CDK14: variants seen among roughly 807,000 people sequenced by gnomAD.
The protein encoded by CDK14 is cyclin dependent kinase 14, also known as cyclin-dependent kinase 14.
CDK14 carries 34 observed loss-of-function variants against 60.7 expected under a neutral mutation model. The ratio of observed to expected loss-of-function variants is 0.56; its 90% CI spans 0.43 to 0.75. The LOEUF (loss-of-function observed/expected upper bound fraction) is 0.75. Ranked by LOEUF, CDK14 falls within the 30% of genes least tolerant of loss-of-function variation. The pLI is 0.00. For missense variants in CDK14, 482 were observed against 564.1 expected (o/e 0.85, Z 1.47); for synonymous variants, 197 against 203.7 (o/e 0.97, Z 0.28).
At chr7:91,053,485 A>G (rs1291331337) in intron 11 of CDK14, among the ~76,000 whole-genome samples, 1 of 152,298 alleles carries the variant, frequency 6.6e-6, no homozygotes, top group Non-Finnish European at 1.5e-5. Context: ...GGCATCTTGG[A>G]AAAGACCTCT....
intron 11 of CDK14, among the ~76,000 whole-genome samples, chr7:91,052,975 T>C (rs1797433308): frequency 6.6e-6 from 1 of 151,962 alleles, no homozygotes; most frequent in Admixed American, 6.6e-5. Flanking sequence ...ACATACGGAC[T>C]TAGCTGTATC....
intron 6 of CDK14, among the ~76,000 whole-genome samples, chr7:90,867,223 T>C (rs368734935): frequency 5.9e-5 from 9 of 152,314 alleles, no homozygotes; most frequent in South Asian, 2.1e-4. Context: ...CTGTCTTTTT[T>C]CCCTATACAG....
At chr7:90,934,302 A>G (rs760494839) in intron 8 of CDK14, among the ~76,000 whole-genome samples, 1 of 152,254 alleles carries the variant, frequency 6.6e-6, no homozygotes, top group Non-Finnish European at 1.5e-5. Context: ...AGGTGCCAGC[A>G]ATGTACAGTT....
intron 14 of CDK14, among the ~76,000 whole-genome samples, chr7:91,162,402 G>GACCC (rs1801194876): frequency 6.6e-6 from 1 of 152,220 alleles, no homozygotes; most frequent in South Asian, 2.1e-4. Context: ...GGAGCTAGGA[G>GACCC]ACCCACTGGG....
chr7:91,189,435 G>C (rs746485030), intron 14 of CDK14, among the ~76,000 whole-genome samples: 6 of 152,040 alleles, frequency 3.9e-5, no homozygotes, highest in Non-Finnish European at 8.8e-5. Flanking sequence ...AGAAAATCTT[G>C]ATCTCTTCAC....
intron 6 of CDK14, among the ~76,000 whole-genome samples, chr7:90,870,814 A>G (rs1791347732): frequency 6.6e-6 from 1 of 152,238 alleles, no homozygotes; most frequent in African/African-American, 2.4e-5. Flanking sequence ...TAAGCTTCAT[A>G]TAGAACATTG....
intron 11 of CDK14, among the ~76,000 whole-genome samples, chr7:91,060,265 C>G (rs557073022): frequency 5.7e-4 from 86 of 150,858 alleles, no homozygotes; most frequent in African/African-American, 2.1e-3. Flanking sequence ...AGATCTTCCT[C>G]TATCCCTTTA....
chr7:90,958,402 G>A (rs549231588), intron 9 of CDK14, among the ~76,000 whole-genome samples: 3 of 152,228 alleles, frequency 2.0e-5, no homozygotes, highest in South Asian at 2.1e-4. Flanking sequence ...CATAAATTTT[G>A]TAACATCTTG....
chr7:91,132,982 T>C (rs536983902), intron 14 of CDK14, among the ~76,000 whole-genome samples: 1 of 152,290 alleles, frequency 6.6e-6, no homozygotes, highest in East Asian at 1.9e-4. Context: ...TATTCACATA[T>C]CTTTTGTAAA....
intron 2 of CDK14, among the ~76,000 whole-genome samples, chr7:90,681,000 T>C (rs1430703352): frequency 2.0e-5 from 3 of 152,250 alleles, no homozygotes; most frequent in African/African-American, 4.8e-5. Flanking sequence ...AAGAGACAGA[T>C]AGTACATTGT....
rs1790521936 is a variant in CDK14 at position 90,847,986 on chromosome 7, T to G, written c.545-15189T>G. 2.6e-5 allele frequency among the ~76,000 whole-genome samples: 4 copies of G among 152,296 alleles called. No homozygotes were observed. In the South Asian group the frequency reaches 8.3e-4, roughly 32 times the overall value. ...GTTCACATCCTTGTCAGTGTTATCATTGGATTAATTTTATTCTGAGTTTCA... is the reference window on the plus strand; with the variant it reads ...GTTCACATCCTTGTCAGTGTTATCAGTGGATTAATTTTATTCTGAGTTTCA... On this transcript the variant is annotated intron_variant, in intron 5 of 14. Transcript: ENST00000380050.
intron 14 of CDK14, among the ~76,000 whole-genome samples, chr7:91,149,300 C>A (rs929620185): frequency 1.3e-5 from 2 of 151,412 alleles, no homozygotes; most frequent in South Asian, 2.1e-4. Context: ...AAAAAAGGCA[C>A]CACTTTCAGC....
chr7:90,628,893 G>T (rs992818995), intron 2 of CDK14, among the ~76,000 whole-genome samples: 3 of 151,756 alleles, frequency 2.0e-5, no homozygotes, highest in Non-Finnish European at 4.4e-5. Context: ...TGATGCAGTA[G>T]GTCTGAGATG....
intron 6 of CDK14, among the ~76,000 whole-genome samples, chr7:90,870,590 A>G (rs2117245932): frequency 6.6e-6 from 1 of 152,290 alleles, no homozygotes; most frequent in East Asian, 1.9e-4. Context: ...CTTTTCCACC[A>G]TGCCCTAAGG....
chr7:91,151,921 A>G (rs1302691082), intron 14 of CDK14, among the ~76,000 whole-genome samples: 3 of 152,210 alleles, frequency 2.0e-5, no homozygotes, highest in African/African-American at 7.2e-5. Flanking sequence ...ATTAAGGCCA[A>G]CATGAGATGG....
chr7:91,177,191 AG>A (rs1459098577), intron 14 of CDK14, among the ~76,000 whole-genome samples: 1 of 151,506 alleles, frequency 6.6e-6, no homozygotes, highest in East Asian at 1.9e-4. Flanking sequence ...GTATATAAAC[AG>A]AGCCAAAGAC....
At chr7:90,603,140 T>C (rs916776846) in intron 1 of CDK14, among the ~76,000 whole-genome samples, 1 of 152,246 alleles carries the variant, frequency 6.6e-6, no homozygotes. Context: ...TCCGTAAATT[T>C]GAAACATTTC....
intron 12 of CDK14, among the ~76,000 whole-genome samples, chr7:91,096,331 C>T (rs972597641): frequency 1.3e-5 from 2 of 152,246 alleles, no homozygotes; most frequent in Middle Eastern, 3.4e-3. Context: ...ACCAACATGT[C>T]ATGTGCCCAG....
chr7:90,664,632 C>T (rs12704557), intron 2 of CDK14, among the ~76,000 whole-genome samples: 46,309 of 151,864 alleles, frequency 0.3, 7,937 homozygotes, highest in East Asian at 0.67. Flanking sequence ...AGTTCATGTC[C>T]TTTGTAGGGA....
Sources: gnomAD v4.1 joint callset for allele counts (sites outside exome capture counted in the v4.1 genomes callset) on GRCh38, gnomAD v4.1.1 for gene constraint, MANE v1.5 for transcripts, NCBI Gene and HGNC (gene_info 2026-07-23, HGNC 2026-07-21) for gene names.